Variants in LRR1 observed in about 807,000 individuals in gnomAD.
LRR1 encodes the protein leucine-rich repeat protein 1.
A neutral mutation model predicts 31.6 loss-of-function variants in LRR1; 29 were observed. The observed-to-expected ratio is 0.92, with a 90% CI of 0.68 to 1.25. The LOEUF (loss-of-function observed/expected upper bound fraction) is 1.25. LRR1 is among the 50% of genes most tolerant of loss of function. The pLI is 0.00. For missense variants in LRR1, 485 were observed against 487.2 expected, an observed-to-expected ratio of 1.00 and a Z score of 0.04; for synonymous variants, 179 against 181.4, an observed-to-expected ratio of 0.99 and a Z score of 0.10.
At chr14:49,606,109 C>A (rs1882271330) in intron 2 of LRR1, among the ~76,000 whole-genome samples, 1 of 151,544 alleles carries the variant, frequency 6.6e-6, no homozygotes, top group Non-Finnish European at 1.5e-5. Flanking sequence ...TTACTGCAAC[C>A]TCTGCCTCCC....
Position 49,602,469 on chromosome 14 carries a change from G to T in LRR1, c.282+1G>T, listed in dbSNP as rs1400789906. The T allele has an allele frequency of 1.9e-6, 3 of 1,606,480 alleles. No homozygotes were observed. Among genetic ancestry groups the T allele is most frequent in the Non-Finnish European group, 2.6e-6 (3 of 1,173,854 alleles). ...TCCTGTGGATATCTGTCTAAGTAAG[G>T]TATGGTATTAAAAACATTAATGATT... On this transcript the variant is annotated splice_donor_variant, in intron 2 of 3. Transcript: ENST00000298288. LOFTEE classifies it high-confidence loss of function.
At chr14:49,600,134 A>T in intron 1 of LRR1, 1 of 1,555,754 alleles carries the variant, frequency 6.4e-7, no homozygotes. Flanking sequence ...ACCACTACAC[A>T]GTCAGCGTCA....
At chr14:49,602,341 C>T in intron 1 of LRR1, 29 bp from the exon 2 acceptor site, 1 of 1,570,346 alleles carries the variant, frequency 6.4e-7, no homozygotes, top group South Asian at 1.1e-5. Flanking sequence ...AATTAGTTTT[C>T]TTCTTTTTTT....
At chr14:49,604,949 G>T (rs1264618858) in intron 2 of LRR1, among the ~76,000 whole-genome samples, 2 of 151,456 alleles carry the variant, frequency 1.3e-5, no homozygotes, top group African/African-American at 4.9e-5. Context: ...AGGCTGGAGT[G>T]CAGTGGCACC....
intron 1 of LRR1, among the ~76,000 whole-genome samples, chr14:49,602,140 CTTTTTT>C (rs71115383): frequency 1.7e-5 from 1 of 60,294 alleles, no homozygotes; most frequent in African/African-American, 7.3e-5. Context: ...AAAAAAACAA[CTTTTTT>C]TTTTTTTTTT....
chr14:49,613,066 G>A (rs186239264), intron 3 of LRR1, among the ~76,000 whole-genome samples: 47 of 152,238 alleles, frequency 3.1e-4, no homozygotes, highest in Middle Eastern at 3.4e-3. Flanking sequence ...CAGGCCAGGC[G>A]TGGTGGCTCA....
rs749159115 is a variant in LRR1 at position 49,614,339 on chromosome 14, G to T, written c.1088G>T (p.Cys363Phe). 4 of 1,613,736 alleles carry T rather than the reference G, an allele frequency of 2.5e-6. No homozygotes were observed. Among genetic ancestry groups the T allele is most frequent in the Non-Finnish European group, 3.4e-6 (4 of 1,179,974 alleles). ...TAKICVCGRF[C>F]LNSFIQGTTT... is the part of the protein sequence containing the mutation. ...AAAATTTGTGTTTGTGGAAGATTCT[G>T]TCTGAACTCTTTCATTCAAGGAACT... The change falls in exon 4 of 4, where the codon TGT (cysteine) becomes TTT (phenylalanine). Residue 363 changes from cysteine (C) to phenylalanine (F), a missense_variant. Coordinates refer to ENST00000298288, the MANE Select transcript of LRR1 (RefSeq NM_152329.4).
intron 1 of LRR1, chr14:49,601,222 T>G: frequency 6.9e-7 from 1 of 1,448,652 alleles, no homozygotes; most frequent in Non-Finnish European, 9.2e-7. Context: ...TGTGCTTTCT[T>G]AAAAAAAATC....
At chr14:49,601,373 C>T (rs1203477645) in intron 1 of LRR1, among the ~76,000 whole-genome samples, 1 of 152,064 alleles carries the variant, frequency 6.6e-6, no homozygotes, top group African/African-American at 2.4e-5. Context: ...GTCCCAAGCC[C>T]CTATTAGAGT....
chr14:49,613,459 T>G (rs2139556340), intron 3 of LRR1, among the ~76,000 whole-genome samples: 1 of 145,804 alleles, frequency 6.9e-6, no homozygotes, highest in East Asian at 2.1e-4. Context: ...GAGCTGAGAT[T>G]GCACCACTGC....
intron 3 of LRR1, 111 bp downstream of exon 3, chr14:49,608,232 C>T (rs1882360647): frequency 1.7e-6 from 2 of 1,150,888 alleles, no homozygotes; most frequent in African/African-American, 3.1e-5. Flanking sequence ...CACAGTCTGA[C>T]CCTTTGCTAT....
rs763089074 is a variant in LRR1 at position 49,602,397 on chromosome 14, A to G, written c.211A>G (p.Thr71Ala). Reference protein sequence around the residue: ...ELRENIEQFFTKFVDEGKATV... With the variant: ...ELRENIEQFFAKFVDEGKATV... ...AAGGGAGAACATTGAGCAATTCTTC[A>G]CCAAATTTGTAGATGAGGGGAAAGC... The change falls in exon 2 of 4, where the codon ACC becomes GCC. Residue 71 changes from threonine to alanine, a missense_variant. Physicochemically the swap from Thr to Ala is moderately conservative, Grantham distance 58. Transcript: ENST00000298288. 1.4e-5 allele frequency: 23 copies of G among 1,613,654 alleles called. No homozygotes were observed. Among genetic ancestry groups the G allele is most frequent in the Non-Finnish European group, 1.9e-5 (23 of 1,179,918 alleles).
chr14:49,599,802 GGCGGCA>G (rs1017907181), intron 1 of LRR1, among the ~76,000 whole-genome samples: 4 of 146,452 alleles, frequency 2.7e-5, no homozygotes, highest in African/African-American at 9.8e-5. Context: ...CGACCGCGGC[GGCGGCA>G]GCGCCGCGGG....
At chr14:49,600,720 G>A (rs1195010563) in intron 1 of LRR1, 2 of 1,007,634 alleles carry the variant, frequency 2.0e-6, no homozygotes, top group East Asian at 2.6e-5. Flanking sequence ...TTCAAAACTT[G>A]AAAGAAAACA....
chr14:49,608,716 G>T (rs1163712580), intron 3 of LRR1, among the ~76,000 whole-genome samples: 1 of 151,604 alleles, frequency 6.6e-6, no homozygotes, highest in Admixed American at 6.6e-5. Context: ...AGAGATGCAG[G>T]TTCTAACATT....
At chr14:49,603,602 T>C in intron 2 of LRR1, 1 of 1,090,850 alleles carries the variant, frequency 9.2e-7, no homozygotes, top group Non-Finnish European at 1.1e-6. Context: ...AAGAGCTTGG[T>C]TCACTGCAAC....
intron 2 of LRR1, among the ~76,000 whole-genome samples, chr14:49,604,924 G>A (rs987838846): frequency 1.3e-5 from 2 of 151,232 alleles, no homozygotes; most frequent in Non-Finnish European, 2.9e-5. Flanking sequence ...ATGAGACAAG[G>A]TCTCACTCTC....
At chr14:49,611,427 A>G (rs1173521373) in intron 3 of LRR1, among the ~76,000 whole-genome samples, 1 of 152,066 alleles carries the variant, frequency 6.6e-6, no homozygotes, top group East Asian at 1.9e-4. Context: ...GTGAGCCGAG[A>G]TGGCACCACT....
At chr14:49,605,311 AT>A (rs1472628863) in intron 2 of LRR1, among the ~76,000 whole-genome samples, 3 of 151,782 alleles carry the variant, frequency 2.0e-5, no homozygotes, top group Non-Finnish European at 2.9e-5. Flanking sequence ...GTGATTTTTC[AT>A]TTTTTTTCTT....
Sources: gnomAD v4.1 joint callset for allele counts (sites outside exome capture counted in the v4.1 genomes callset) on GRCh38, gnomAD v4.1.1 for gene constraint, MANE v1.5 for transcripts, NCBI Gene and HGNC (gene_info 2026-07-23, HGNC 2026-07-21) for gene names.